USP34: variants seen among roughly 807,000 people sequenced by gnomAD.
USP34 encodes ubiquitin carboxyl-terminal hydrolase 34.
USP34 carries 70 observed loss-of-function variants against 460.3 expected under a neutral mutation model. The observed-to-expected ratio is 0.15, with a 90% CI of 0.13 to 0.19. USP34 has a LOEUF of 0.19. USP34 is among the 10% of genes least tolerant of loss of function. The probability of loss-of-function intolerance (pLI) is 1.00; values close to 1 mark genes in which losing one functional copy is unlikely to be tolerated. For synonymous variants in USP34, 1,647 were observed against 1,405.3 expected (o/e 1.17, Z -3.85); for missense variants, 3,985 against 4,236.2 (o/e 0.94, Z 1.65).
chr2:61,389,501 T>A (rs1440637375), intron 5 of USP34, among the ~76,000 whole-genome samples: 10 of 151,944 alleles, frequency 6.6e-5, no homozygotes. Context: ...CAAGAAAAAA[T>A]TTTAATACAA....
intron 57 of USP34, among the ~76,000 whole-genome samples, chr2:61,234,456 C>G (rs1688004556): frequency 6.6e-6 from 1 of 152,030 alleles, no homozygotes; most frequent in Non-Finnish European, 1.5e-5. Context: ...GAAAACCAGG[C>G]ATAAACTGAT....
intron 3 of USP34, among the ~76,000 whole-genome samples, chr2:61,398,163 A>C (rs1227679369): frequency 6.6e-6 from 1 of 152,100 alleles, no homozygotes; most frequent in Admixed American, 6.6e-5. Context: ...CAGGAGTTCA[A>C]GACTAGCCTC....
intron 72 of USP34, among the ~76,000 whole-genome samples, chr2:61,204,823 A>G (rs1687070994): frequency 6.6e-6 from 1 of 152,152 alleles, no homozygotes; most frequent in Admixed American, 6.5e-5. Context: ...AGATTAAAAC[A>G]CTATTTATTG....
At chr2:61,270,435 ATATTT>A (rs753968051) in intron 41 of USP34, among the ~76,000 whole-genome samples, 1 of 152,106 alleles carries the variant, frequency 6.6e-6, no homozygotes, top group Non-Finnish European at 1.5e-5. Context: ...CCAGTATACA[ATATTT>A]TATTTTATTT....
chr2:61,209,151 T>C (rs762945806), intron 69 of USP34, among the ~76,000 whole-genome samples, 174 bp from the exon 70 acceptor site: 4 of 152,176 alleles, frequency 2.6e-5, no homozygotes, highest in Non-Finnish European at 5.9e-5. Flanking sequence ...TAATATTAAA[T>C]AAACTCTAAC....
chr2:61,245,497 A>G (rs4671400), intron 50 of USP34, among the ~76,000 whole-genome samples: 11,411 of 151,806 alleles, frequency 0.075, 557 homozygotes, highest in Admixed American at 0.11. Context: ...AGATAGATCC[A>G]TTTATGACCT....
chr2:61,278,481 T>G (rs1689439104), intron 39 of USP34, 38 bp from the exon 40 acceptor site: 2 of 1,412,034 alleles, frequency 1.4e-6, no homozygotes, highest in East Asian at 5.1e-5. Context: ...AAATATAAAT[T>G]TTTTATGTTT....
At chr2:61,386,758 C>G (rs1693157578) in intron 5 of USP34, among the ~76,000 whole-genome samples, 1 of 151,994 alleles carries the variant, frequency 6.6e-6, no homozygotes, top group South Asian at 2.1e-4. Flanking sequence ...CCACTGCACT[C>G]CAGCCTGGCA....
chr2:61,465,137 T>C (rs1695723194), intron 1 of USP34, among the ~76,000 whole-genome samples: 1 of 152,106 alleles, frequency 6.6e-6, no homozygotes, highest in Non-Finnish European at 1.5e-5. Context: ...AAGCCAAATA[T>C]GATTTTGAAA....
At chr2:61,377,418 T>C (rs1384668815) in intron 8 of USP34, among the ~76,000 whole-genome samples, 1 of 152,114 alleles carries the variant, frequency 6.6e-6, no homozygotes, top group East Asian at 1.9e-4. Context: ...AATACATATA[T>C]TTCTCAGAAC....
rs750186361 is a variant in USP34, at chr2:61,283,280, A to G, written c.4874-11T>C. ...TTGAATAATGTGAAACTAAAGAAAA[A>G]TTAGAAAACAGTTCACTATAAAAGG... On this transcript the variant is annotated splice_polypyrimidine_tract_variant and intron_variant, in intron 36 of 79. Transcript: ENST00000398571. The G allele has an allele frequency of 2.9e-5, 47 of 1,609,950 alleles. No homozygotes were observed. The highest frequency in any genetic ancestry group is 3.9e-5 in the Non-Finnish European group (46 of 1,178,436).
chr2:61,307,086 C>A (rs1250015952), intron 27 of USP34, among the ~76,000 whole-genome samples: 2 of 152,010 alleles, frequency 1.3e-5, no homozygotes, highest in African/African-American at 4.8e-5. Context: ...CAATGATAGA[C>A]TGGATTAAGA....
chr2:61,392,285 G>A (rs1029356028), intron 5 of USP34, among the ~76,000 whole-genome samples: 1 of 152,090 alleles, frequency 6.6e-6, no homozygotes, highest in Non-Finnish European at 1.5e-5. Flanking sequence ...GCAGTCAGCT[G>A]CTACTACCGC....
At chr2:61,264,643 AAAAAAT>A (rs1208831039) in intron 43 of USP34, among the ~76,000 whole-genome samples, 4 of 152,206 alleles carry the variant, frequency 2.6e-5, no homozygotes, top group Admixed American at 2.6e-4. Context: ...TCCTGCCTCA[AAAAAAT>A]AAAAATAAAA....
chr2:61,365,105 A>T (rs1692391109), intron 10 of USP34, among the ~76,000 whole-genome samples: 1 of 151,912 alleles, frequency 6.6e-6, no homozygotes, highest in Non-Finnish European at 1.5e-5. Context: ...TACAAAAATT[A>T]GCCAGGCATG....
chr2:61,194,955 A>C (rs1463592689), intron 75 of USP34, among the ~76,000 whole-genome samples: 2 of 25,918 alleles, frequency 7.7e-5, no homozygotes, highest in South Asian at 1.2e-3. Context: ...CTCTGTCAAA[A>C]AAAAAAAAAA....
At chr2:61,193,696 C>T (rs1237576099) in intron 75 of USP34, among the ~76,000 whole-genome samples, 1 of 152,178 alleles carries the variant, frequency 6.6e-6, no homozygotes, top group Non-Finnish European at 1.5e-5. Context: ...AATTTCCCAT[C>T]TTCCACATCC....
chr2:61,334,901 A>C (rs1355120578), intron 18 of USP34, among the ~76,000 whole-genome samples: 1 of 152,198 alleles, frequency 6.6e-6, no homozygotes, highest in Non-Finnish European at 1.5e-5. Context: ...TACATGGCTA[A>C]AGATTTTTAA....
At chr2:61,200,540 A>G (rs777587) in intron 75 of USP34, 72,473 of 152,072 alleles carry the variant, frequency 0.48, 17,598 homozygotes, top group Middle Eastern at 0.53. Context: ...TTGCCCATAT[A>G]AAAATTACCA....
Sources: allele counts gnomAD v4.1 joint callset (sites outside exome capture counted in the v4.1 genomes callset), GRCh38; gene constraint gnomAD v4.1.1; transcripts MANE v1.5; gene names NCBI Gene and HGNC (gene_info 2026-07-23, HGNC 2026-07-21).